The following AADAT variants were observed in gnomAD, a reference collection of about 807,000 sequenced individuals.
The protein encoded by AADAT is aminoadipate aminotransferase, also known as kynurenine/alpha-aminoadipate aminotransferase, mitochondrial.
In AADAT, 25 loss-of-function variants were observed where a neutral mutation model predicts 56.2. The observed-to-expected ratio is 0.44, with a 90% CI of 0.32 to 0.62. The LOEUF (loss-of-function observed/expected upper bound fraction) is 0.62, where lower values mean the gene tolerates loss of function less well. AADAT is among the 20% of genes least tolerant of loss of function. The pLI, the probability that AADAT is intolerant of heterozygous loss-of-function variation, is 0.04. For missense variants in AADAT, 387 were observed against 510.5 expected (o/e 0.76, Z 2.33); for synonymous variants, 173 against 164.7 (o/e 1.05, Z -0.39).
At chr4:170,086,807 T>C (rs1485469366) in intron 3 of AADAT, among the ~76,000 whole-genome samples, 4 of 152,166 alleles carry the variant, frequency 2.6e-5, no homozygotes, top group African/African-American at 9.7e-5. Context: ...AGCAGGTAAT[T>C]TTTCAAAGTC....
At chr4:170,086,108 AT>A (rs1174252236) in intron 3 of AADAT, among the ~76,000 whole-genome samples, 1 of 152,118 alleles carries the variant, frequency 6.6e-6, no homozygotes, top group African/African-American at 2.4e-5. Context: ...AGCTAGGCAT[AT>A]TGGTGTGCAC....
intron 4 of AADAT, among the ~76,000 whole-genome samples, chr4:170,077,532 G>A (rs1732097362): frequency 6.6e-6 from 1 of 152,070 alleles, no homozygotes; most frequent in Non-Finnish European, 1.5e-5. Context: ...AAAAATAAAA[G>A]GATCCATGAA....
intron 11 of AADAT, among the ~76,000 whole-genome samples, chr4:170,064,132 T>C (rs901188092): frequency 1.3e-5 from 2 of 152,180 alleles, no homozygotes; most frequent in African/African-American, 2.4e-5. Context: ...ATCTGGGTAG[T>C]AAAATCATGG....
chr4:170,078,054 A>G (rs958354293), intron 4 of AADAT, among the ~76,000 whole-genome samples: 1 of 152,216 alleles, frequency 6.6e-6, no homozygotes, highest in Admixed American at 6.5e-5. Context: ...CAGCTTCCTC[A>G]TTCTGTAAAT....
In AADAT at chr4:170,063,967, A is replaced by G. The variant is rs193198177; in HGVS notation, c.1134+752T>C. 2.1e-3 allele frequency among the ~76,000 whole-genome samples: 319 copies of G among 152,258 alleles called. 2 individuals are homozygous for G. In the Middle Eastern group the frequency reaches 0.024, roughly 11 times the overall value. On this transcript the variant is annotated intron_variant, in intron 11 of 12. Coordinates refer to ENST00000337664, the MANE Select transcript of AADAT (RefSeq NM_016228.4). ...TTAAATATAAAAAGAGGAAAAAAAA[A>G]AGAAACCTAGAATACATTCTATGAG...
Position 170,064,812 on chromosome 4 carries a change from C to T in AADAT, c.1041G>A (p.Trp347Ter), listed in dbSNP as rs1731365742. The change falls in exon 11 of 13, where the codon TGG becomes TGA. Residue 347 changes from tryptophan (W) to a stop codon, truncating the protein, a stop_gained. Transcript: ENST00000337664. LOFTEE classifies it high-confidence loss of function. ...ADKWLTGLAEWHVPAAGMFLW... is the reference protein window; with the variant it reads ...ADKWLTGLAE ...AAAACATTCCAGCAGCAGGAACATG[C>T]CATTCTGCCAAACCTACAAACAAAA... 1 of 1,609,630 alleles carries T rather than the reference C, an allele frequency of 6.2e-7. No homozygotes were observed. Among genetic ancestry groups the T allele is most frequent in the Admixed American group, 1.7e-5 (1 of 58,628 alleles).
intron 1 of AADAT, 77 bp from the exon 2 acceptor site, chr4:170,088,641 C>T: frequency 7.1e-7 from 1 of 1,407,528 alleles, no homozygotes; most frequent in Non-Finnish European, 9.9e-7. Flanking sequence ...GCATTATAGT[C>T]AATAAAACTA....
At chr4:170,092,503 G>C (rs1167469731), upstream of AADAT, among the ~76,000 whole-genome samples, 1 of 152,162 alleles carries the variant, frequency 6.6e-6, no homozygotes, top group African/African-American at 2.4e-5. Context: ...CTGACTTTAA[G>C]AACTGTTAAC....
In AADAT at chr4:170,078,554, A is replaced by AT. The variant is rs1561020249; in HGVS notation, c.398dup (p.Asp133GlufsTer2). On this transcript the variant is annotated frameshift_variant, in exon 4 of 13. Transcript: ENST00000337664. LOFTEE classifies it high-confidence loss of function. ...AAGCAGGTTCATCTAGGAGGACATT[A>AT]TCTCCAGGATTAATGATCATTTCAA... 1 of 1,608,238 alleles carries AT rather than the reference A, an allele frequency of 6.2e-7. No individual in the cohort carries two copies. Among genetic ancestry groups the AT allele is most frequent in the Admixed American group, 1.7e-5 (1 of 59,466 alleles).
At chr4:170,065,503 A>G (rs1248683984) in intron 10 of AADAT, among the ~76,000 whole-genome samples, 3 of 151,882 alleles carry the variant, frequency 2.0e-5, no homozygotes. Context: ...GAAAGATACT[A>G]ATTCTGTTTT....
upstream of AADAT, among the ~76,000 whole-genome samples, chr4:170,093,042 A>G (rs974757400): frequency 5.4e-5 from 5 of 92,294 alleles, no homozygotes; most frequent in South Asian, 6.4e-4. Flanking sequence ...TGTAACTTGT[A>G]ACTAGATATG....
chr4:170,077,697 C>CT (rs1007100221), intron 4 of AADAT, among the ~76,000 whole-genome samples: 1 of 152,142 alleles, frequency 6.6e-6, no homozygotes, highest in African/African-American at 2.4e-5. Context: ...CCGGTAAGGC[C>CT]AATGGTTAGC....
chr4:170,078,987 T>C (rs1316822461), intron 3 of AADAT, among the ~76,000 whole-genome samples: 2 of 152,182 alleles, frequency 1.3e-5, no homozygotes, highest in Non-Finnish European at 2.9e-5. Flanking sequence ...TATTAAATGT[T>C]TACTATACGC....
upstream of AADAT, chr4:170,091,506 T>A (rs573845636): frequency 1.3e-5 from 2 of 153,860 alleles, no homozygotes; most frequent in East Asian, 1.9e-4. Flanking sequence ...TGCCTGAGCC[T>A]CCCCACCACC....
At position 170,064,710 on chromosome 4, in the gene AADAT, C is replaced by T. The variant is rs1581567530; in HGVS notation, c.1134+9G>A. ...TTAGGTTTCCCAGCCCTTCACCTCC[C>T]AGTTTTACCCCCATCTTAACGGCCT... is the stretch of plus-strand genomic sequence containing the variant. On this transcript the variant is annotated intron_variant, in intron 11 of 12. Transcript: ENST00000337664. 1.9e-6 allele frequency: 3 copies of T among 1,564,156 alleles called. No individual in the cohort carries two copies. The highest frequency in any genetic ancestry group is 1.4e-5 in the African/African-American group (1 of 73,132).
intron 10 of AADAT, among the ~76,000 whole-genome samples, chr4:170,065,106 T>C (rs1731385639): frequency 6.6e-6 from 1 of 152,122 alleles, no homozygotes; most frequent in Non-Finnish European, 1.5e-5. Flanking sequence ...AGTCTTAGGG[T>C]AGTGCAAGAA....
intron 1 of AADAT, 119 bp from the exon 2 acceptor site, chr4:170,088,683 G>A: frequency 9.6e-7 from 1 of 1,043,886 alleles, no homozygotes. Flanking sequence ...GATAGAGTGT[G>A]CTATGGTCTA....
chr4:170,082,643 A>G (rs570507008), intron 3 of AADAT, among the ~76,000 whole-genome samples: 1 of 152,168 alleles, frequency 6.6e-6, no homozygotes, highest in Non-Finnish European at 1.5e-5. Context: ...GGAGTGGCTG[A>G]GTGGATAAAG....
upstream of AADAT, among the ~76,000 whole-genome samples, chr4:170,092,909 A>T (rs1429869807): frequency 6.6e-6 from 1 of 152,046 alleles, no homozygotes; most frequent in African/African-American, 2.4e-5. Flanking sequence ...GCCTGTTCTC[A>T]GTTAATCCAT....
Sources: allele counts gnomAD v4.1 joint callset (sites outside exome capture counted in the v4.1 genomes callset), GRCh38; gene constraint gnomAD v4.1.1; transcripts MANE v1.5; gene names NCBI Gene and HGNC (gene_info 2026-07-23, HGNC 2026-07-21).